The following PDZD2 variants were observed in gnomAD, a reference collection of about 807,000 sequenced individuals.
The protein encoded by PDZD2 is PDZ domain-containing protein 2.
Under a neutral mutation model 220.7 loss-of-function variants are expected in PDZD2, and 90 were observed. The observed-to-expected ratio is 0.41, with a 90% CI of 0.34 to 0.49. The LOEUF (loss-of-function observed/expected upper bound fraction) is 0.49, where lower values mean the gene tolerates loss of function less well. Ranked by LOEUF, PDZD2 falls within the 20% of genes least tolerant of loss-of-function variation. PDZD2 has a pLI of 0.28. For missense variants in PDZD2, 3,174 were observed against 3,608.5 expected, an observed-to-expected ratio of 0.88 and a Z score of 3.08; for synonymous variants, 1,375 against 1,450.5, an observed-to-expected ratio of 0.95 and a Z score of 1.18.
chr5:31,808,071 TG>T (rs1303593368), intron 2 of PDZD2, among the ~76,000 whole-genome samples: 2 of 152,126 alleles, frequency 1.3e-5, no homozygotes, highest in Admixed American at 6.5e-5. Context: ...CTGCAGGTAG[TG>T]ATGTAGGTAG....
intron 2 of PDZD2, among the ~76,000 whole-genome samples, chr5:31,885,030 G>A (rs1030430391): frequency 4.0e-5 from 6 of 151,700 alleles, no homozygotes; most frequent in African/African-American, 1.5e-4. Context: ...CAAGAGAAAC[G>A]TACAAAACAG....
At chr5:32,005,921 G>A (rs1752760308) in intron 5 of PDZD2, among the ~76,000 whole-genome samples, 3 of 152,148 alleles carry the variant, frequency 2.0e-5, no homozygotes, top group Non-Finnish European at 2.9e-5. Flanking sequence ...GCCAAGGTGG[G>A]CAGATCACTT....
At chr5:32,048,042 G>T (rs1458879907) in intron 7 of PDZD2, among the ~76,000 whole-genome samples, 1 of 152,138 alleles carries the variant, frequency 6.6e-6, no homozygotes, top group Non-Finnish European at 1.5e-5. Flanking sequence ...TTGGTTATGG[G>T]TATATGAAAT....
At chr5:31,653,017 A>G (rs1331660574) in intron 1 of PDZD2, among the ~76,000 whole-genome samples, 1 of 152,138 alleles carries the variant, frequency 6.6e-6, no homozygotes, top group East Asian at 1.9e-4. Flanking sequence ...ATCTCAAAAA[A>G]AAAGACCAAA....
chr5:31,732,770 C>G (rs911065682), intron 1 of PDZD2, among the ~76,000 whole-genome samples: 1 of 152,094 alleles, frequency 6.6e-6, no homozygotes, highest in South Asian at 2.1e-4. Flanking sequence ...ACTCTGTCAC[C>G]CAGACTGGAG....
At chr5:31,721,139 G>A (rs2150147378) in intron 1 of PDZD2, among the ~76,000 whole-genome samples, 1 of 152,312 alleles carries the variant, frequency 6.6e-6, no homozygotes, top group South Asian at 2.1e-4. Context: ...AGGCTTCCTG[G>A]AGGAGGTGAT....
At chr5:31,684,093 G>A (rs1746754418) in intron 1 of PDZD2, among the ~76,000 whole-genome samples, 1 of 152,126 alleles carries the variant, frequency 6.6e-6, no homozygotes, top group Non-Finnish European at 1.5e-5. Flanking sequence ...TATTTTCCCT[G>A]TAGATCTGAA....
chr5:31,849,793 G>A (rs541035029), intron 2 of PDZD2, among the ~76,000 whole-genome samples: 2 of 149,476 alleles, frequency 1.3e-5, no homozygotes, highest in South Asian at 2.1e-4. Flanking sequence ...GCAGTAAGCC[G>A]AGATTGCGCC....
Position 31,989,416 on chromosome 5 carries a change from C to CTTTTCT in PDZD2, c.978+5765_978+5770dup, listed in dbSNP as rs1751007361. Among the ~76,000 whole-genome samples, 3 of 120,644 alleles carry CTTTTCT rather than the reference C, an allele frequency of 2.5e-5. No homozygotes were observed. The South Asian group carries it at 8.8e-4, about 35-fold the overall frequency. The allele number at this position is 120,644 out of a possible 152,430, so 79.1% of individuals were successfully genotyped here. Reference sequence around the variant, plus strand: ...TATTCTGTGGTATATACCACATTTTCTTTTCTTTTTTTTTTTTTTTTTTTG... The same window carrying CTTTTCT: ...TATTCTGTGGTATATACCACATTTTCTTTTCTTTTTCTTTTTTTTTTTTTTTTTTTG... On this transcript the variant is annotated intron_variant, in intron 3 of 24. Coordinates refer to ENST00000438447, the MANE Select transcript of PDZD2 (RefSeq NM_178140.4).
chr5:31,989,428 T>TTTTTTTTTTTTTTTTATTTATTTATTTA (rs1561277993), intron 3 of PDZD2, among the ~76,000 whole-genome samples: 7 of 146,586 alleles, frequency 4.8e-5, no homozygotes, highest in African/African-American at 1.8e-4. Context: ...TTTCTTTTTT[T>TTTTTTTTTTTTTTTTATTTATTTATTTA]TTTTTTTTTT....
chr5:31,893,298 C>T (rs188258541), intron 2 of PDZD2, among the ~76,000 whole-genome samples: 3 of 152,240 alleles, frequency 2.0e-5, no homozygotes, highest in African/African-American at 7.2e-5. Context: ...TGGCTGGGCG[C>T]GGTGGCTCGT....
intron 1 of PDZD2, among the ~76,000 whole-genome samples, chr5:31,694,789 A>AT (rs199713567): frequency 0.21 from 23,356 of 113,466 alleles, 2,066 homozygotes; most frequent in East Asian, 0.34. Context: ...ATTTTATTTT[A>AT]TTTATTTATT....
chr5:31,837,857 G>A (rs1053559785), intron 2 of PDZD2, among the ~76,000 whole-genome samples: 5 of 152,032 alleles, frequency 3.3e-5, no homozygotes, highest in African/African-American at 9.7e-5. Flanking sequence ...ACTGCCCTTT[G>A]GCCTGGGTGA....
chr5:31,826,905 G>C (rs1756261298), intron 2 of PDZD2, among the ~76,000 whole-genome samples: 1 of 152,128 alleles, frequency 6.6e-6, no homozygotes. Flanking sequence ...GACAGAGCCT[G>C]GAATCGAGCC....
chr5:31,992,186 C>T (rs934352555), intron 3 of PDZD2, among the ~76,000 whole-genome samples: 4 of 152,128 alleles, frequency 2.6e-5, no homozygotes, highest in Non-Finnish European at 5.9e-5. Flanking sequence ...CACTCCCCTC[C>T]TATCTCCTAC....
intron 2 of PDZD2, among the ~76,000 whole-genome samples, chr5:31,857,802 G>A (rs1431620535): frequency 2.6e-5 from 4 of 151,954 alleles, no homozygotes; most frequent in African/African-American, 7.3e-5. Flanking sequence ...CTAGAGTTTT[G>A]TTGGTTTCGT....
chr5:31,971,257 T>A (rs1338743595), intron 2 of PDZD2, among the ~76,000 whole-genome samples: 1 of 152,258 alleles, frequency 6.6e-6, no homozygotes, highest in Non-Finnish European at 1.5e-5. Context: ...GTGTGGGCTC[T>A]GCTTCCAAGA....
chr5:31,724,929 TC>T (rs1300938757), intron 1 of PDZD2, among the ~76,000 whole-genome samples: 1 of 152,180 alleles, frequency 6.6e-6, no homozygotes, highest in Non-Finnish European at 1.5e-5. Flanking sequence ...TCAACTAACA[TC>T]TTTTCACCAA....
intron 1 of PDZD2, chr5:31,744,400 A>T (rs1254158545): frequency 1.3e-5 from 2 of 152,204 alleles, no homozygotes; most frequent in African/African-American, 4.8e-5. Flanking sequence ...AGGTAAAAAA[A>T]GTCCGTTCTT....
Sources: gnomAD v4.1 joint callset for allele counts (sites outside exome capture counted in the v4.1 genomes callset) on GRCh38, gnomAD v4.1.1 for gene constraint, MANE v1.5 for transcripts, NCBI Gene and HGNC (gene_info 2026-07-23, HGNC 2026-07-21) for gene names.